Variants in CNTNAP5 observed in about 807,000 individuals in gnomAD.
CNTNAP5 encodes contactin-associated protein-like 5.
A neutral mutation model predicts 150.2 loss-of-function variants in CNTNAP5; 72 were observed. The observed-to-expected ratio is 0.48, with a 90% CI of 0.40 to 0.58. The LOEUF (loss-of-function observed/expected upper bound fraction) is 0.58, where lower values mean the gene tolerates loss of function less well. Among genes scored for constraint, CNTNAP5 ranks in the 20% least tolerant of loss-of-function variants. CNTNAP5 has a pLI of 0.00. For missense variants in CNTNAP5, 1,636 were observed against 1,626.2 expected (o/e 1.01, Z -0.10); for synonymous variants, 672 against 619.8 (o/e 1.08, Z -1.25).
At chr2:124,203,547 G>T (rs1342248188) in intron 1 of CNTNAP5, among the ~76,000 whole-genome samples, 1 of 152,158 alleles carries the variant, frequency 6.6e-6, no homozygotes, top group Non-Finnish European at 1.5e-5. Flanking sequence ...CTCCATGAGG[G>T]TTCTGCCCCT....
chr2:124,635,226 G>A (rs1677947415), intron 12 of CNTNAP5, among the ~76,000 whole-genome samples: 1 of 152,164 alleles, frequency 6.6e-6, no homozygotes, highest in Admixed American at 6.5e-5. Context: ...TGACTTACAT[G>A]GTGGGAGCAG....
intron 13 of CNTNAP5, among the ~76,000 whole-genome samples, chr2:124,653,645 T>G (rs1002755759): frequency 6.7e-6 from 1 of 148,240 alleles, no homozygotes; most frequent in Non-Finnish European, 1.5e-5. Flanking sequence ...TAAGGAATTG[T>G]GATGTAGAAA....
chr2:124,711,299 A>T lies in CNTNAP5; in HGVS notation c.2078-35930A>T, dbSNP rs564246238. On this transcript the variant is annotated intron_variant, in intron 13 of 23. Transcript: ENST00000682447. ...AATAAAAAATAATAATAATAAAATT[A>T]AAAAAATATATATTTCTCCTATAAA... is the stretch of plus-strand genomic sequence containing the variant. 4.8e-3 allele frequency among the ~76,000 whole-genome samples: 723 copies of T among 152,042 alleles called. 6 individuals are homozygous for T. The highest frequency in any genetic ancestry group is 7.4e-3 in the Non-Finnish European group (505 of 67,956).
intron 4 of CNTNAP5, among the ~76,000 whole-genome samples, chr2:124,422,241 T>C (rs1265881683): frequency 6.6e-6 from 1 of 152,244 alleles, no homozygotes; most frequent in Non-Finnish European, 1.5e-5. Flanking sequence ...AAAAGTTTAG[T>C]TGAGTATGTT....
intron 12 of CNTNAP5, among the ~76,000 whole-genome samples, chr2:124,630,050 A>G (rs1416339286): frequency 6.6e-6 from 1 of 151,856 alleles, no homozygotes; most frequent in Non-Finnish European, 1.5e-5. Flanking sequence ...GACCAATATC[A>G]AGTTCTGAAA....
At chr2:124,776,664 C>G (rs1436905203) in intron 17 of CNTNAP5, among the ~76,000 whole-genome samples, 1 of 152,162 alleles carries the variant, frequency 6.6e-6, no homozygotes, top group Admixed American at 6.5e-5. Context: ...CTTCCTGAAG[C>G]ACGCCTGTAG....
At chr2:124,709,903 A>G (rs999878099) in intron 13 of CNTNAP5, among the ~76,000 whole-genome samples, 1 of 152,188 alleles carries the variant, frequency 6.6e-6, no homozygotes, top group Non-Finnish European at 1.5e-5. Context: ...AGAAAATAAT[A>G]TAGTAGCTTC....
At chr2:124,839,992 C>G (rs571399889) in intron 19 of CNTNAP5, among the ~76,000 whole-genome samples, 4 of 152,250 alleles carry the variant, frequency 2.6e-5, no homozygotes, top group African/African-American at 9.6e-5. Flanking sequence ...AGTTTTCTTT[C>G]TATGCATAGG....
At chr2:124,067,319 A>G (rs1682185638) in intron 1 of CNTNAP5, among the ~76,000 whole-genome samples, 1 of 152,162 alleles carries the variant, frequency 6.6e-6, no homozygotes, top group African/African-American at 2.4e-5. Flanking sequence ...TGTTGGCAAG[A>G]ACATGCTTCT....
At chr2:124,569,207 G>A (rs1410521735) in intron 11 of CNTNAP5, among the ~76,000 whole-genome samples, 1 of 151,894 alleles carries the variant, frequency 6.6e-6, no homozygotes, top group Admixed American at 6.6e-5. Flanking sequence ...TCTTATTACG[G>A]TTTACACTCT....
chr2:124,747,232 G>A lies in CNTNAP5; in HGVS notation c.2081G>A (p.Gly694Glu). 1 of 1,612,604 alleles carries A rather than the reference G, an allele frequency of 6.2e-7. No homozygotes were observed. The highest frequency in any genetic ancestry group is 1.1e-5 in the South Asian group (1 of 91,038). ...GGTGGAATATCTTGTCTTCCAGATG[G>A]AACACCATTTACCTGGTGGATTGGG... ...RRSRLLNTPDGTPFTWWIGRS... is the reference protein window; with the variant it reads ...RRSRLLNTPDETPFTWWIGRS... The change falls in exon 14 of 24, where the codon GGA becomes GAA. Residue 694 changes from glycine (G) to glutamate (E), a missense_variant. Physicochemically the swap from Gly to Glu is moderately conservative, Grantham distance 98. Coordinates refer to ENST00000682447, the MANE Select transcript of CNTNAP5 (RefSeq NM_001367498.1).
intron 19 of CNTNAP5, among the ~76,000 whole-genome samples, chr2:124,829,870 A>G (rs552455691): frequency 6.6e-6 from 1 of 152,090 alleles, no homozygotes; most frequent in Admixed American, 6.6e-5. Flanking sequence ...GTATACTAAG[A>G]TAATTAGAAT....
chr2:124,555,293 A>G (rs1352228371), intron 10 of CNTNAP5, among the ~76,000 whole-genome samples: 1 of 152,132 alleles, frequency 6.6e-6, no homozygotes, highest in Non-Finnish European at 1.5e-5. Flanking sequence ...TGGGCTTAAA[A>G]ATTGCATGCC....
chr2:124,590,401 T>C (rs1696653102), intron 11 of CNTNAP5, among the ~76,000 whole-genome samples: 1 of 152,204 alleles, frequency 6.6e-6, no homozygotes, highest in African/African-American at 2.4e-5. Context: ...ATGTGCAGAC[T>C]GGGACACCAA....
intron 1 of CNTNAP5, among the ~76,000 whole-genome samples, chr2:124,154,238 T>C (rs925499023): frequency 2.6e-5 from 4 of 152,152 alleles, no homozygotes; most frequent in African/African-American, 9.7e-5. Flanking sequence ...AGAATGAGCC[T>C]GGTTATTCTA....
intron 19 of CNTNAP5, among the ~76,000 whole-genome samples, chr2:124,853,091 A>G (rs1315417364): frequency 6.6e-6 from 1 of 152,242 alleles, no homozygotes; most frequent in East Asian, 1.9e-4. Flanking sequence ...TGCTCTTTCA[A>G]AGTGAAATGG....
Position 124,764,043 on chromosome 2 carries a change from C to G in CNTNAP5, c.2429C>G (p.Ala810Gly). 1 of 1,613,060 alleles carries G rather than the reference C, an allele frequency of 6.2e-7. No homozygotes were observed. Among genetic ancestry groups the G allele is most frequent in the Non-Finnish European group, 8.5e-7 (1 of 1,179,204 alleles). Residue 810 changes from alanine to glycine, a missense_variant, in exon 16 of 24, where the codon GCG (alanine) becomes GGG (glycine). Coordinates refer to ENST00000682447, the MANE Select transcript of CNTNAP5 (RefSeq NM_001367498.1). ...TACCTCCACTTTCCTACCTTCCATGCGGAATTCAGTGCCGATATTTCCTTC... is the reference window on the plus strand; with the variant it reads ...TACCTCCACTTTCCTACCTTCCATGGGGAATTCAGTGCCGATATTTCCTTC... The part of the protein sequence containing the change: ...ASYLHFPTFH[A>G]EFSADISFFF...
intron 13 of CNTNAP5, among the ~76,000 whole-genome samples, chr2:124,708,714 G>A (rs962529570): frequency 2.2e-4 from 34 of 152,234 alleles, no homozygotes; most frequent in African/African-American, 7.7e-4. Context: ...TCCTAAGAAT[G>A]AGTCTGACTA....
chr2:124,393,042 C>T (rs113365489), intron 3 of CNTNAP5, among the ~76,000 whole-genome samples: 1 of 152,064 alleles, frequency 6.6e-6, no homozygotes, highest in East Asian at 1.9e-4. Context: ...GTTGTCTTTG[C>T]AATCCCAAAA....
Sources: gnomAD v4.1 joint callset for allele counts (sites outside exome capture counted in the v4.1 genomes callset) on GRCh38, gnomAD v4.1.1 for gene constraint, MANE v1.5 for transcripts, NCBI Gene and HGNC (gene_info 2026-07-23, HGNC 2026-07-21) for gene names.